DPH6: variants seen among roughly 807,000 people sequenced by gnomAD.
DPH6 encodes the protein diphthamine biosynthesis 6, also known as diphthine--ammonia ligase.
DPH6 carries 33 observed loss-of-function variants against 38.2 expected under a neutral mutation model. The observed-to-expected ratio is 0.86, with a 90% CI of 0.65 to 1.15. DPH6 has a LOEUF of 1.15. DPH6 is among the 50% of genes most tolerant of loss of function. The probability of loss-of-function intolerance (pLI) is 0.00; values close to 1 mark genes in which losing one functional copy is unlikely to be tolerated. For synonymous variants in DPH6, 108 were observed against 103.0 expected, an observed-to-expected ratio of 1.05 and a Z score of -0.30; for missense variants, 325 against 320.0, an observed-to-expected ratio of 1.02 and a Z score of -0.12.
the DPH6 span, among the ~76,000 whole-genome samples, chr15:35,205,098 G>A: frequency 6.6e-6 from 1 of 151,834 alleles, no homozygotes; most frequent in African/African-American, 2.4e-5. Flanking sequence ...GGACATAAAA[G>A]GCTTTATTAA....
At chr15:35,292,882 A>T (rs2051989321) in intron 3 of DPH6, among the ~76,000 whole-genome samples, 1 of 152,152 alleles carries the variant, frequency 6.6e-6, no homozygotes, top group Admixed American at 6.6e-5. Context: ...TTTGAATATA[A>T]CATTTTAAAG....
chr15:35,307,719 C>T (rs909663674), intron 3 of DPH6, among the ~76,000 whole-genome samples: 2 of 151,966 alleles, frequency 1.3e-5, no homozygotes, highest in African/African-American at 4.8e-5. Context: ...ATGTGTTGTG[C>T]ATGTGTATAC....
At chr15:35,270,090 C>T (rs989458398) in intron 3 of DPH6, among the ~76,000 whole-genome samples, 15 of 152,024 alleles carry the variant, frequency 9.9e-5, no homozygotes, top group Admixed American at 2.0e-4. Flanking sequence ...TGAGCCACCG[C>T]GCCCGGCCTT....
intron 3 of DPH6, among the ~76,000 whole-genome samples, chr15:35,508,239 C>T (rs1354869777): frequency 6.6e-6 from 1 of 152,140 alleles, no homozygotes; most frequent in African/African-American, 2.4e-5. Context: ...AAAAGGCCTT[C>T]AGAGCCTTCC....
intron 3 of DPH6, among the ~76,000 whole-genome samples, chr15:35,471,986 T>C (rs1031968559): frequency 6.6e-6 from 1 of 152,204 alleles, no homozygotes; most frequent in Non-Finnish European, 1.5e-5. Flanking sequence ...TTTTAATTTA[T>C]CATTTTGTGA....
intron 6 of DPH6, among the ~76,000 whole-genome samples, chr15:35,384,349 T>C (rs1257545860): frequency 6.6e-6 from 1 of 152,220 alleles, no homozygotes; most frequent in Non-Finnish European, 1.5e-5. Flanking sequence ...ACACATAGTT[T>C]TCATGCCATC....
intron 3 of DPH6, among the ~76,000 whole-genome samples, chr15:35,511,126 G>A (rs933451803): frequency 2.6e-5 from 4 of 152,080 alleles, no homozygotes; most frequent in Admixed American, 6.6e-5. Context: ...ATCAGAACCT[G>A]AATTTTTAAT....
intron 3 of DPH6, among the ~76,000 whole-genome samples, chr15:35,220,780 A>G (rs1181810158): frequency 1.3e-5 from 2 of 152,166 alleles, no homozygotes; most frequent in Non-Finnish European, 2.9e-5. Flanking sequence ...TTCAAAACAT[A>G]GTATTCTACC....
the DPH6 span, among the ~76,000 whole-genome samples, chr15:35,178,039 G>C: frequency 6.6e-6 from 1 of 152,134 alleles, no homozygotes; most frequent in Non-Finnish European, 1.5e-5. Flanking sequence ...ATGAAGATCA[G>C]ATCAGGGTAT....
chr15:35,438,069 A>G (rs1196282919), intron 5 of DPH6, among the ~76,000 whole-genome samples: 1 of 151,776 alleles, frequency 6.6e-6, no homozygotes, highest in Non-Finnish European at 1.5e-5. Flanking sequence ...ATTTAAATGG[A>G]TTTTCATAAA....
intron 5 of DPH6, among the ~76,000 whole-genome samples, chr15:35,416,085 G>A (rs1183660406): frequency 6.6e-6 from 1 of 151,942 alleles, no homozygotes; most frequent in Non-Finnish European, 1.5e-5. Flanking sequence ...CACACTGGAA[G>A]AAGAATTGTC....
chr15:35,239,592 C>T (rs1180716967), intron 3 of DPH6, among the ~76,000 whole-genome samples: 1 of 142,486 alleles, frequency 7.0e-6, no homozygotes, highest in East Asian at 2.2e-4. Flanking sequence ...TCTGCCTTTC[C>T]TGGGGCGGGG....
Position 35,410,899 on chromosome 15 carries a change from G to T in DPH6, c.506-3C>A. On this transcript the variant is annotated splice_polypyrimidine_tract_variant and splice_region_variant and intron_variant, in intron 5 of 8. Coordinates refer to ENST00000256538, the MANE Select transcript of DPH6 (RefSeq NM_080650.4). ...AAGATGCTTATCAGGATCTAAACCTGCCAAGAAAGGTTACATTTTTTAAAG... is the reference window on the plus strand; with the variant it reads ...AAGATGCTTATCAGGATCTAAACCTTCCAAGAAAGGTTACATTTTTTAAAG... The T allele has an allele frequency of 1.2e-6, 2 of 1,601,290 alleles. No individual in the cohort carries two copies. Among genetic ancestry groups the T allele is most frequent in the South Asian group, 2.2e-5 (2 of 89,536 alleles).
rs558187741 is a variant in DPH6, at chr15:35,324,164, T to C, written n.200+49357A>G. 5.3e-5 allele frequency among the ~76,000 whole-genome samples: 8 copies of C among 152,264 alleles called. No homozygotes were observed. In the East Asian group the frequency reaches 9.6e-4, roughly 18 times the overall value. On this transcript the variant is annotated intron_variant and non_coding_transcript_variant, in intron 3 of 3. Coordinates refer to the DPH6 transcript ENST00000560386. ...GTTGTTGTGAGGATAAATGAGTTAA[T>C]ACAGTGCCCAGCATATGGTAGACAT...
At chr15:35,163,138 C>A in the DPH6 span, among the ~76,000 whole-genome samples, 3 of 151,912 alleles carry the variant, frequency 2.0e-5, no homozygotes, top group African/African-American at 4.8e-5. Flanking sequence ...ACCCCCACAG[C>A]TTTTGAGCTA....
rs1328938321 is a variant in DPH6, at chr15:35,456,350, T to A, written c.313-1530A>T. ...ATCTGAAGTTCTGCTATAAAAATAA[T>A]GAAGTACTAAATATTATAGATGTAT... On this transcript the variant is annotated intron_variant, in intron 3 of 8. Transcript: ENST00000256538. Among the ~76,000 whole-genome samples the A allele has an allele frequency of 3.3e-5, 5 of 151,608 alleles. No individual in the cohort carries two copies. In the East Asian group the frequency reaches 9.6e-4, roughly 29 times the overall value.
In DPH6 at chr15:35,242,870, A is replaced by G. The variant is rs1189657712; in HGVS notation, n.201-22288T>C. ...CTATCTTCTGTCTAGTCATACTCCT[A>G]TTCACCGTTCTCAACTACTCATACA... On this transcript the variant is annotated intron_variant and non_coding_transcript_variant, in intron 3 of 3. Coordinates refer to the DPH6 transcript ENST00000560386. Among the ~76,000 whole-genome samples, 2 of 141,764 alleles carry G rather than the reference A, an allele frequency of 1.4e-5. 1 individual carries two copies. The highest frequency in any genetic ancestry group is 3.1e-5 in the Non-Finnish European group (2 of 64,990). The allele number at this position is 141,764 out of a possible 152,430, so 93.0% of individuals were successfully genotyped here. A position where few individuals can be genotyped will look rare whatever the true frequency, so the allele number is the denominator to read the frequency against.
At chr15:35,353,494 AT>A (rs1460621239) in intron 3 of DPH6, among the ~76,000 whole-genome samples, 3 of 152,234 alleles carry the variant, frequency 2.0e-5, no homozygotes, top group South Asian at 2.1e-4. Context: ...AGCTTTCTAC[AT>A]ATGGCTAGCC....
chr15:35,414,631 A>G (rs1051845412), intron 5 of DPH6, among the ~76,000 whole-genome samples: 43 of 151,456 alleles, frequency 2.8e-4, no homozygotes, highest in African/African-American at 1.0e-3. Context: ...CAATTTCCCA[A>G]TCTAGCCTCC....
Sources: allele counts gnomAD v4.1 joint callset (sites outside exome capture counted in the v4.1 genomes callset), GRCh38; gene constraint gnomAD v4.1.1; transcripts MANE v1.5; gene names NCBI Gene and HGNC (gene_info 2026-07-23, HGNC 2026-07-21).